Variants in NSD3 observed in about 807,000 individuals in gnomAD.
NSD3 encodes nuclear receptor binding SET domain protein 3.
NSD3 carries 24 observed loss-of-function variants against 160.8 expected under a neutral mutation model. The observed-to-expected ratio is 0.15, with a 90% CI of 0.11 to 0.21. NSD3 has a LOEUF of 0.21. Ranked by LOEUF, NSD3 falls within the 10% of genes least tolerant of loss-of-function variation. The pLI, the probability that NSD3 is intolerant of heterozygous loss-of-function variation, is 1.00. For synonymous variants in NSD3, 520 were observed against 600.0 expected (o/e 0.87, Z 1.95); for missense variants, 1,157 against 1,735.9 (o/e 0.67, Z 5.93).
chr8:38,315,688 C>G (rs904940890), intron 10 of NSD3, 144 bp from the exon 11 acceptor site: 1 of 1,302,816 alleles, frequency 7.7e-7, no homozygotes, highest in African/African-American at 1.5e-5. Context: ...CCAAAATCCA[C>G]AGATATCATA....
intron 12 of NSD3, among the ~76,000 whole-genome samples, chr8:38,305,752 C>T (rs1809378282): frequency 6.6e-6 from 1 of 152,022 alleles, no homozygotes; most frequent in Non-Finnish European, 1.5e-5. Context: ...AAGTTTTCCC[C>T]ACATAGAATA....
At chr8:38,354,380 T>C (rs1430433394) in intron 1 of NSD3, among the ~76,000 whole-genome samples, 2 of 152,246 alleles carry the variant, frequency 1.3e-5, no homozygotes, top group Non-Finnish European at 2.9e-5. Flanking sequence ...GATTAAATCC[T>C]GGATTTAAAT....
Position 38,344,003 on chromosome 8 carries a change from G to A in NSD3, c.675+3494C>T, listed in dbSNP as rs115882656. The stretch of plus-strand genomic sequence containing the variant: ...AGGCATTCCACCTGCCAAGGAGGAA[G>A]ACATGCAGAAACACAGCCACATATT... On this transcript the variant is annotated intron_variant, in intron 2 of 23. Coordinates refer to ENST00000317025, the MANE Select transcript of NSD3 (RefSeq NM_023034.2). 2.5e-3 allele frequency among the ~76,000 whole-genome samples: 375 copies of A among 152,344 alleles called. 2 individuals are homozygous for A. Among genetic ancestry groups the A allele is most frequent in the African/African-American group, 8.6e-3 (358 of 41,572 alleles).
At chr8:38,302,035 G>A (rs776610276) in intron 14 of NSD3, among the ~76,000 whole-genome samples, 1 of 152,224 alleles carries the variant, frequency 6.6e-6, no homozygotes, top group Non-Finnish European at 1.5e-5. Context: ...GTGACTCCAC[G>A]ATTAGGTGGC....
Position 38,319,290 on chromosome 8 carries a change from C to A in NSD3, c.1810-350G>T, listed in dbSNP as rs573705528. On this transcript the variant is annotated intron_variant, in intron 8 of 23. Coordinates refer to ENST00000317025, the MANE Select transcript of NSD3 (RefSeq NM_023034.2). This position sits in a 1 kb window ranked among gnomAD's most constrained non-coding sequence, Gnocchi z 4.1. ...ACCGGCCCCAATGTTGCTAAAAACC[C>A]CTCCCGCCCCAAAGACGTTAGGATA... 148 of 203,788 alleles carry A rather than the reference C, an allele frequency of 7.3e-4. No homozygotes were observed. Among genetic ancestry groups the A allele is most frequent in the Non-Finnish European group, 8.6e-4 (88 of 102,666 alleles). 12.6% of individuals were successfully genotyped at this position (203,788 alleles called of 1,614,324 possible). A position where few individuals can be genotyped will look rare whatever the true frequency, so the allele number is the denominator to read the frequency against.
At chr8:38,373,716 C>T (rs573997261) in intron 1 of NSD3, among the ~76,000 whole-genome samples, 22 of 151,910 alleles carry the variant, frequency 1.4e-4, no homozygotes, top group East Asian at 5.8e-4. Flanking sequence ...AAATTTAAAA[C>T]GCCTCCCTAT....
chr8:38,306,668 A>T (rs779943328), intron 12 of NSD3, among the ~76,000 whole-genome samples: 2 of 152,208 alleles, frequency 1.3e-5, no homozygotes, highest in Non-Finnish European at 2.9e-5. Context: ...ACAAACTACA[A>T]ATCAATATAG....
rs1809680109 is a variant in NSD3, at chr8:38,316,896, G to GTA, written c.1856-856_1856-855dup. On this transcript the variant is annotated intron_variant, in intron 9 of 23. Coordinates refer to ENST00000317025, the MANE Select transcript of NSD3 (RefSeq NM_023034.2). This position sits in a 1 kb window ranked among gnomAD's most constrained non-coding sequence, Gnocchi z 4.5. Reference sequence around the variant, plus strand: ...AGCAACAATCTCTTGGGCTAATGCAGTATAGGCTATACAGAAACAGCCACG... The same window carrying GTA: ...AGCAACAATCTCTTGGGCTAATGCAGTATATAGGCTATACAGAAACAGCCACG... The GTA allele has an allele frequency of 9.4e-7, 1 of 1,063,014 alleles. No homozygotes were observed. Among genetic ancestry groups the GTA allele is most frequent in the Admixed American group, 5.4e-5 (1 of 18,638 alleles). The allele number at this position is 1,063,014 out of a possible 1,614,324, so 65.8% of individuals were successfully genotyped here.
In NSD3 at chr8:38,317,746, C is replaced by A. The variant is rs1809703791; in HGVS notation, c.1855+1149G>T. On this transcript the variant is annotated intron_variant, in intron 9 of 23. Transcript: ENST00000317025. This position sits in a 1 kb window ranked among gnomAD's most constrained non-coding sequence, Gnocchi z 5.3. ...CTGGACCCATGATTTAAGCTGTACC[C>A]ATCCAGCTCAAACCGAAAAAAAAAA... The A allele has an allele frequency of 7.2e-7, 1 of 1,389,320 alleles. No individual in the cohort carries two copies. Among genetic ancestry groups the A allele is most frequent in the Non-Finnish European group, 9.3e-7 (1 of 1,073,020 alleles). The allele number at this position is 1,389,320 out of a possible 1,614,324, so 86.1% of individuals were successfully genotyped here.
Position 38,318,254 on chromosome 8 carries a change from A to G in NSD3, c.1855+641T>C, listed in dbSNP as rs1809715418. Reference sequence around the variant, plus strand: ...TAAATAATGCAATTTGCCCAGAGTAAACTACAGGTATTAAATACAGTTTGA... The same window carrying G: ...TAAATAATGCAATTTGCCCAGAGTAGACTACAGGTATTAAATACAGTTTGA... On this transcript the variant is annotated intron_variant, in intron 9 of 23. Transcript: ENST00000317025. This position sits in a 1 kb window ranked among gnomAD's most constrained non-coding sequence, Gnocchi z 5.3. Among the ~76,000 whole-genome samples the G allele has an allele frequency of 6.6e-6, 1 of 152,120 alleles. No homozygotes were observed. The highest frequency in any genetic ancestry group is 2.4e-5 in the African/African-American group (1 of 41,418).
intron 1 of NSD3, among the ~76,000 whole-genome samples, chr8:38,351,303 G>A (rs1467713352): frequency 1.3e-5 from 2 of 151,520 alleles, no homozygotes; most frequent in Non-Finnish European, 2.9e-5. Context: ...AAAGCAGGAA[G>A]GACAAACCAG....
At chr8:38,315,641 A>G (rs1809642408) in intron 10 of NSD3, 97 bp from the exon 11 acceptor site, 3 of 1,493,124 alleles carry the variant, frequency 2.0e-6, no homozygotes, top group Non-Finnish European at 2.7e-6. Flanking sequence ...CTCAAACATT[A>G]GATCTTGACA....
intron 1 of NSD3, among the ~76,000 whole-genome samples, chr8:38,354,113 T>C (rs1810766396): frequency 6.6e-6 from 1 of 152,230 alleles, no homozygotes. Flanking sequence ...AGGTGATTGA[T>C]TCTTCCCTCT....
intron 1 of NSD3, among the ~76,000 whole-genome samples, chr8:38,377,111 G>A (rs1038796378): frequency 3.9e-5 from 6 of 152,150 alleles, no homozygotes; most frequent in Admixed American, 1.3e-4. Flanking sequence ...GGAGCGCAGT[G>A]GTACAATCTC....
chr8:38,303,518 C>A, intron 14 of NSD3: 1 of 430,508 alleles, frequency 2.3e-6, no homozygotes, highest in Non-Finnish European at 3.1e-6. Context: ...CCACAAAGGA[C>A]TACGATTTAT....
At chr8:38,304,923 C>T (rs929536925) in intron 13 of NSD3, among the ~76,000 whole-genome samples, 166 bp from the exon 14 acceptor site, 1 of 152,018 alleles carries the variant, frequency 6.6e-6, no homozygotes, top group African/African-American at 2.4e-5. Context: ...CTATATGGCC[C>T]CTAAATGTAA....
intron 16 of NSD3, among the ~76,000 whole-genome samples, chr8:38,292,520 C>T (rs531498676): frequency 9.9e-5 from 15 of 151,832 alleles, no homozygotes; most frequent in South Asian, 6.2e-4. Flanking sequence ...CGGTGTCTCA[C>T]GCCTGTAATC....
chr8:38,300,662 C>T (rs1460948783), intron 14 of NSD3, among the ~76,000 whole-genome samples: 4 of 152,182 alleles, frequency 2.6e-5, no homozygotes, highest in African/African-American at 9.7e-5. Flanking sequence ...CTCTTCTTTC[C>T]CTTACCCCTC....
At chr8:38,337,586 G>A (rs1001418583) in intron 3 of NSD3, 119 bp from the exon 4 acceptor site, 2 of 908,724 alleles carry the variant, frequency 2.2e-6, no homozygotes, top group African/African-American at 3.5e-5. Flanking sequence ...ACAGGAAAGT[G>A]TCAAAAAACA....
Sources: gnomAD v4.1 joint callset for allele counts (sites outside exome capture counted in the v4.1 genomes callset) on GRCh38, gnomAD v4.1.1 for gene constraint, Gnocchi (gnomAD v3.1) non-coding constraint, MANE v1.5 for transcripts, NCBI Gene and HGNC (gene_info 2026-07-23, HGNC 2026-07-21) for gene names.